UNC5B: variants seen among roughly 807,000 people sequenced by gnomAD.
UNC5B encodes unc-5 netrin receptor B, also known as netrin receptor UNC5B.
A neutral mutation model predicts 103.7 loss-of-function variants in UNC5B; 56 were observed. The observed-to-expected ratio is 0.54, with a 90% CI of 0.44 to 0.67. The LOEUF is 0.67. UNC5B is among the 30% of genes least tolerant of loss of function. The pLI is 0.00. For missense variants in UNC5B, 1,194 were observed against 1,284.5 expected, an observed-to-expected ratio of 0.93 and a Z score of 1.08; for synonymous variants, 577 against 542.0, an observed-to-expected ratio of 1.06 and a Z score of -0.90.
Position 71,227,707 on chromosome 10 carries a change from T to TACACACAC in UNC5B, c.79+14675_79+14682dup, listed in dbSNP as rs57747777. 1.1e-3 allele frequency among the ~76,000 whole-genome samples: 146 copies of TACACACAC among 128,078 alleles called. 2 individuals carry two copies. Among genetic ancestry groups the TACACACAC allele is most frequent in the African/African-American group, 4.3e-3 (136 of 31,324 alleles). 84.0% of individuals were successfully genotyped at this position (128,078 alleles called of 152,430 possible). On this transcript the variant is annotated intron_variant, in intron 1 of 16. Transcript: ENST00000335350. ...ATATACACATATATATACACACATA[T>TACACACAC]ACACACACACACACACACACACACA... is the stretch of plus-strand genomic sequence containing the variant.
In UNC5B at chr10:71,213,675, AATTATT is replaced by A. The variant is rs5786026; in HGVS notation, c.79+640_79+645del. Among the ~76,000 whole-genome samples, 8,887 of 133,160 alleles carry A rather than the reference AATTATT, an allele frequency of 0.067. 333 individuals are homozygous for A. Among genetic ancestry groups the A allele is most frequent in the Non-Finnish European group, 0.084 (5,340 of 63,820 alleles). The allele number at this position is 133,160 out of a possible 152,430, so 87.4% of individuals were successfully genotyped here. ...ATCGCTGGGCCCGCAGGTCTGGAAG[AATTATT>A]ATTATTATTATTATTATTATTATTA... On this transcript the variant is annotated intron_variant, in intron 1 of 16. Transcript: ENST00000335350. The surrounding 1 kb of genome is among the most constrained non-coding windows in gnomAD (Gnocchi z 4.1).
chr10:71,258,094 A>G (rs1844332612), intron 1 of UNC5B, among the ~76,000 whole-genome samples: 1 of 152,234 alleles, frequency 6.6e-6, no homozygotes, highest in African/African-American at 2.4e-5. Flanking sequence ...CCTCTAGGCT[A>G]GGGACTGTTA....
At position 71,289,275 on chromosome 10, in the gene UNC5B, C is replaced by G. The variant is rs117860342; in HGVS notation, c.1099+285C>G. Among the ~76,000 whole-genome samples, 328 of 152,354 alleles carry G rather than the reference C, an allele frequency of 2.2e-3. 4 individuals carry two copies. In the East Asian group the frequency reaches 0.042, roughly 20 times the overall value. ...AGAGGAAGGGACTTGGCCAGAGACACAGGCAAGAAATAGTAGAGCCAAGAT... is the reference window on the plus strand; with the variant it reads ...AGAGGAAGGGACTTGGCCAGAGACAGAGGCAAGAAATAGTAGAGCCAAGAT... On this transcript the variant is annotated intron_variant, in intron 8 of 16. Transcript: ENST00000335350.
At chr10:71,233,744 G>T (rs910741464) in intron 1 of UNC5B, among the ~76,000 whole-genome samples, 1 of 152,230 alleles carries the variant, frequency 6.6e-6, no homozygotes, top group Non-Finnish European at 1.5e-5. Flanking sequence ...TGGAGGTGGG[G>T]CACAGGGGAG....
intron 10 of UNC5B, among the ~76,000 whole-genome samples, chr10:71,292,143 G>A (rs1845281261): frequency 6.6e-6 from 1 of 152,166 alleles, no homozygotes; most frequent in Admixed American, 6.5e-5. Flanking sequence ...AGCAGCAGAG[G>A]GACAGGGGCG....
At chr10:71,280,550 C>G (rs1172016979) in intron 2 of UNC5B, among the ~76,000 whole-genome samples, 1 of 152,204 alleles carries the variant, frequency 6.6e-6, no homozygotes, top group African/African-American at 2.4e-5. Context: ...AAATAACCAT[C>G]CAAGTGGTGC....
intron 9 of UNC5B, 98 bp downstream of exon 9, chr10:71,291,207 A>T: frequency 6.9e-7 from 1 of 1,453,596 alleles, no homozygotes; most frequent in Non-Finnish European, 9.3e-7. Context: ...ACTCCCTCCC[A>T]GGGTTTTTCC....
intron 1 of UNC5B, among the ~76,000 whole-genome samples, chr10:71,261,447 A>T (rs1844415406): frequency 6.6e-6 from 1 of 152,238 alleles, no homozygotes; most frequent in South Asian, 2.1e-4. Context: ...TCTGAGGCTG[A>T]CAAAGCCCAG....
chr10:71,280,697 T>G (rs925410224), intron 2 of UNC5B, among the ~76,000 whole-genome samples: 5 of 152,118 alleles, frequency 3.3e-5, no homozygotes, highest in Non-Finnish European at 5.9e-5. Context: ...GCCCTGGGGC[T>G]CCCCACATCT....
chr10:71,240,681 G>A (rs1843878786), intron 1 of UNC5B, among the ~76,000 whole-genome samples: 2 of 152,226 alleles, frequency 1.3e-5, no homozygotes, highest in South Asian at 4.1e-4. Flanking sequence ...CTCCCCCACT[G>A]TCGCTCCACT....
At chr10:71,221,191 G>A (rs998032871) in intron 1 of UNC5B, among the ~76,000 whole-genome samples, 13 of 152,154 alleles carry the variant, frequency 8.5e-5, no homozygotes, top group Non-Finnish European at 1.9e-4. Flanking sequence ...TGGGAACTCG[G>A]TCCCTTTTTC....
rs539892339 is a variant in UNC5B at position 71,279,823 on chromosome 10, A to G, written c.82A>G (p.Thr28Ala). The G allele has an allele frequency of 8.1e-6, 13 of 1,612,656 alleles. 2 individuals carry two copies. In the South Asian group the frequency reaches 1.4e-4, roughly 18 times the overall value. Residue 28 changes from threonine to alanine, a missense_variant and splice_region_variant, in exon 2 of 17, where the codon ACT becomes GCT. Physicochemically the swap from Thr to Ala is moderately conservative, Grantham distance 58. Coordinates refer to ENST00000335350, the MANE Select transcript of UNC5B (RefSeq NM_170744.5). Reference protein sequence around the residue: ...CWDPRLSQAGTDSGSEVLPDS... With the variant: ...CWDPRLSQAGADSGSEVLPDS... Reference sequence around the variant, plus strand: ...GGAGGTCTCCACTCACTCTGCAGGCACTGATTCTGGCAGCGAGGTGCTCCC... The same window carrying G: ...GGAGGTCTCCACTCACTCTGCAGGCGCTGATTCTGGCAGCGAGGTGCTCCC...
chr10:71,241,769 T>C (rs1843907152), intron 1 of UNC5B, among the ~76,000 whole-genome samples: 1 of 152,050 alleles, frequency 6.6e-6, no homozygotes. Context: ...CCAGTGCTTC[T>C]AAGTGCCGCC....
intron 1 of UNC5B, among the ~76,000 whole-genome samples, chr10:71,262,482 G>A (rs904345478): frequency 6.6e-6 from 1 of 152,106 alleles, no homozygotes; most frequent in African/African-American, 2.4e-5. Context: ...ATCGAATCCA[G>A]GCCACTTCCT....
chr10:71,291,399 A>G, intron 9 of UNC5B, 33 bp from the exon 10 acceptor site: 2 of 1,554,096 alleles, frequency 1.3e-6, no homozygotes, highest in Non-Finnish European at 8.7e-7. Context: ...GCTGAGGCAC[A>G]GCTGGGTCTG....
At chr10:71,292,872 A>G (rs1290453435) in intron 11 of UNC5B, among the ~76,000 whole-genome samples, 2 of 152,222 alleles carry the variant, frequency 1.3e-5, no homozygotes, top group Non-Finnish European at 2.9e-5. Context: ...ATTCACACAC[A>G]CTGTCTCACA....
intron 10 of UNC5B, among the ~76,000 whole-genome samples, chr10:71,292,112 A>C (rs969483120): frequency 6.6e-6 from 1 of 152,230 alleles, no homozygotes; most frequent in African/African-American, 2.4e-5. Context: ...CAGCAGACCT[A>C]CAAAGCACTG....
chr10:71,268,460 A>ATGAAGGGTCCCCAGCTGGAGG (rs1332552219), intron 1 of UNC5B, among the ~76,000 whole-genome samples: 3 of 151,938 alleles, frequency 2.0e-5, no homozygotes, highest in South Asian at 2.1e-4. Context: ...CCAGCTGGAG[A>ATGAAGGGTCCCCAGCTGGAGG]TGAAGGGTCC....
chr10:71,235,250 C>T (rs765494302), intron 1 of UNC5B, among the ~76,000 whole-genome samples: 1 of 152,208 alleles, frequency 6.6e-6, no homozygotes, highest in African/African-American at 2.4e-5. Context: ...AGGGAAGGGG[C>T]CCAGACCACA....
Sources: allele counts gnomAD v4.1 joint callset (sites outside exome capture counted in the v4.1 genomes callset), GRCh38; gene constraint gnomAD v4.1.1; non-coding constraint Gnocchi (gnomAD v3.1); transcripts MANE v1.5; gene names NCBI Gene and HGNC (gene_info 2026-07-23, HGNC 2026-07-21).